DRC12: variants seen among roughly 807,000 people sequenced by gnomAD.
The protein encoded by DRC12 is dynein regulatory complex subunit 12 homolog.
the DRC12 span, chr11:119,190,368 T>C: frequency 3.4e-3 from 5,455 of 1,613,962 alleles, 13 homozygotes; most frequent in Non-Finnish European, 4.1e-3. The surrounding 1 kb of genome is among the most constrained non-coding windows in gnomAD (Gnocchi z 4.2). Flanking sequence ...TGCTGCTCCT[T>C]GTGCCTGGCG....
the DRC12 span, chr11:119,194,977 C>T: frequency 9.9e-5 from 153 of 1,551,486 alleles, no homozygotes; most frequent in Middle Eastern, 3.3e-4. Flanking sequence ...TGCCTGGACT[C>T]GGCCACCACA....
At chr11:119,193,994 C>T in the DRC12 span, 14 of 1,047,736 alleles carry the variant, frequency 1.3e-5, no homozygotes, top group Admixed American at 3.4e-4. Context: ...GTGGGGTGTC[C>T]AGCCTCTTAC....
the DRC12 span, chr11:119,193,119 A>C: frequency 6.3e-7 from 1 of 1,580,746 alleles, no homozygotes; most frequent in African/African-American, 1.3e-5. Flanking sequence ...CAACTCTTGG[A>C]GAGAAGGGGC....
At chr11:119,194,990 T>C in the DRC12 span, 1 of 1,551,202 alleles carries the variant, frequency 6.4e-7, no homozygotes, top group African/African-American at 1.4e-5. Context: ...CCACCACATC[T>C]GCACCTGCGG....
the DRC12 span, chr11:119,193,771 T>C: frequency 1.3e-6 from 2 of 1,551,636 alleles, no homozygotes; most frequent in African/African-American, 1.4e-5. Flanking sequence ...CACACCTGCA[T>C]ATATGGCCTT....
the DRC12 span, among the ~76,000 whole-genome samples, chr11:119,194,487 C>T: frequency 3.6e-4 from 42 of 115,284 alleles, no homozygotes; most frequent in Non-Finnish European, 5.5e-4. Context: ...GCACTCCAGC[C>T]TGGGCGACAG....
At chr11:119,195,546 C>A in the DRC12 span, 1 of 1,335,040 alleles carries the variant, frequency 7.5e-7, no homozygotes, top group South Asian at 1.3e-5. Flanking sequence ...CACAGGGATG[C>A]TTTCCTGAGC....
the DRC12 span, chr11:119,195,575 ACT>A: frequency 9.2e-7 from 1 of 1,088,636 alleles, no homozygotes; most frequent in Non-Finnish European, 1.4e-6. Context: ...GAACCAGGAG[ACT>A]CTCCTGAGTC....
chr11:119,190,337 G>A, the DRC12 span: 4 of 1,614,184 alleles, frequency 2.5e-6, no homozygotes, highest in African/African-American at 2.7e-5. This position sits in a 1 kb window ranked among gnomAD's most constrained non-coding sequence, Gnocchi z 4.2. Flanking sequence ...AGATCCAGGG[G>A]GGGTGAGTCC....
At chr11:119,190,353 G>C in the DRC12 span, 9 of 1,613,864 alleles carry the variant, frequency 5.6e-6, no homozygotes, top group Non-Finnish European at 7.6e-6. The surrounding 1 kb of genome is among the most constrained non-coding windows in gnomAD (Gnocchi z 4.2). Context: ...AGTCCAAACT[G>C]GCGTTGCTGC....
At chr11:119,193,270 G>A in the DRC12 span, 1 of 1,593,312 alleles carries the variant, frequency 6.3e-7, no homozygotes, top group African/African-American at 1.3e-5. Flanking sequence ...GGGCCACCAG[G>A]GACCCAGGTT....
chr11:119,193,960 T>C, the DRC12 span: 7 of 1,451,660 alleles, frequency 4.8e-6, no homozygotes, highest in Non-Finnish European at 6.5e-6. Context: ...GTGATGGACT[T>C]TGCCCACCTC....
chr11:119,190,647 G>A, the DRC12 span: 1 of 1,583,602 alleles, frequency 6.3e-7, no homozygotes. This position sits in a 1 kb window ranked among gnomAD's most constrained non-coding sequence, Gnocchi z 4.2. Flanking sequence ...TACGAGCTGG[G>A]GTTTGTGGGC....
At chr11:119,193,157 G>A in the DRC12 span, 2 of 1,613,806 alleles carry the variant, frequency 1.2e-6, no homozygotes, top group Admixed American at 3.3e-5. Flanking sequence ...CTACCTAGCT[G>A]CCCCCGAAGG....
chr11:119,194,624 T>C, the DRC12 span, among the ~76,000 whole-genome samples: 4 of 151,206 alleles, frequency 2.6e-5, no homozygotes, highest in Non-Finnish European at 4.4e-5. Flanking sequence ...GGAAGATTGT[T>C]GCGGCCCAGG....
the DRC12 span, chr11:119,194,832 C>G: frequency 1.1e-6 from 1 of 945,156 alleles, no homozygotes; most frequent in Non-Finnish European, 1.6e-6. Flanking sequence ...AACCCCCCAC[C>G]ATACCTCCAA....
chr11:119,190,771 G>A, the DRC12 span: 2 of 1,614,038 alleles, frequency 1.2e-6, no homozygotes, highest in Non-Finnish European at 1.7e-6. The surrounding 1 kb of genome is among the most constrained non-coding windows in gnomAD (Gnocchi z 4.2). Context: ...CTGAGCCAGG[G>A]CCTGGTCCCG....
chr11:119,194,541 A>AAAAAAAAAAAAAAAAAAAAAAG, the DRC12 span, among the ~76,000 whole-genome samples: 2 of 66,036 alleles, frequency 3.0e-5, no homozygotes, highest in African/African-American at 1.3e-4. Context: ...AAAAAAAAAA[A>AAAAAAAAAAAAAAAAAAAAAAG]AAAATAAATA....
chr11:119,193,626 T>C, the DRC12 span: 2 of 1,455,646 alleles, frequency 1.4e-6, no homozygotes, highest in Admixed American at 5.2e-5. Context: ...TCCTTCCTGA[T>C]TTGTACTGTT....
Sources: allele counts gnomAD v4.1 joint callset (sites outside exome capture counted in the v4.1 genomes callset), GRCh38; gene constraint gnomAD v4.1.1; non-coding constraint Gnocchi (gnomAD v3.1); transcripts MANE v1.5; gene names NCBI Gene and HGNC (gene_info 2026-07-23, HGNC 2026-07-21).